PCLO: variants seen among roughly 807,000 people sequenced by gnomAD.
PCLO encodes protein piccolo.
Under a neutral mutation model 427.5 loss-of-function variants are expected in PCLO, and 82 were observed. The ratio of observed to expected loss-of-function variants is 0.19; its 90% CI spans 0.16 to 0.23. The LOEUF (loss-of-function observed/expected upper bound fraction) is 0.23, where lower values mean the gene tolerates loss of function less well. Among genes scored for constraint, PCLO ranks in the 10% least tolerant of loss-of-function variants. PCLO has a pLI of 1.00. For missense variants in PCLO, 6,239 were observed against 6,115.9 expected (o/e 1.02, Z -0.67); for synonymous variants, 2,357 against 2,155.4 (o/e 1.09, Z -2.59).
chr7:83,060,386 C>A (rs560973936), intron 3 of PCLO, among the ~76,000 whole-genome samples: 1 of 152,242 alleles, frequency 6.6e-6, no homozygotes, highest in East Asian at 1.9e-4. Flanking sequence ...GCCACCTGAC[C>A]TTGCTGCTCA....
intron 10 of PCLO, among the ~76,000 whole-genome samples, chr7:82,854,662 GT>G (rs1163104739): frequency 6.6e-6 from 1 of 152,122 alleles, no homozygotes; most frequent in East Asian, 1.9e-4. Context: ...AATATACTCT[GT>G]TTCCATTTTT....
chr7:82,784,372 C>G (rs1001323315), intron 22 of PCLO, among the ~76,000 whole-genome samples: 4 of 151,752 alleles, frequency 2.6e-5, no homozygotes, highest in Non-Finnish European at 4.4e-5. Flanking sequence ...TCACACAGCT[C>G]TCTCCCTCAT....
rs747622482 is a variant in PCLO, at chr7:82,952,868, G to A, written c.8085C>T (p.Ser2695=). Residue 2695 remains serine, a synonymous_variant, in exon 5 of 25, where the codon TCC becomes TCT. Coordinates refer to ENST00000333891, the MANE Select transcript of PCLO (RefSeq NM_033026.6). The part of the protein sequence containing the change: ...TAPSVGLSSI[S]ITIPPEPLAL... ...CAAGAGGCTCTGGAGGAATTGTTAT[G>A]GAAATGCTGCTGAGACCAACACTAG... 1 of 1,613,732 alleles carries A rather than the reference G, an allele frequency of 6.2e-7. No homozygotes were observed. The highest frequency in any genetic ancestry group is 1.3e-5 in the African/African-American group (1 of 74,876).
intron 9 of PCLO, among the ~76,000 whole-genome samples, chr7:82,890,962 C>A (rs1357114744): frequency 6.6e-6 from 1 of 151,772 alleles, no homozygotes; most frequent in African/African-American, 2.4e-5. Flanking sequence ...TCATTATTTT[C>A]TTTGGATTTT....
chr7:82,824,105 C>T (rs1404945045), intron 19 of PCLO, 131 bp downstream of exon 19: 1 of 605,598 alleles, frequency 1.7e-6, no homozygotes, highest in Non-Finnish European at 2.8e-6. Flanking sequence ...CTTTGCATGA[C>T]ATTATATTAA....
rs62461415 is a variant in PCLO, at chr7:82,916,697, G to A, written c.11289C>T (p.Leu3763=). The change falls in exon 7 of 25, where the codon CTC becomes CTT. Residue 3763 remains leucine (L), a synonymous_variant. Transcript: ENST00000333891. The part of the protein sequence containing the change: ...RTNTMARAKI[L]QDIDRELDLV... ...GATCAAGCTCTCTGTCTATGTCCTG[G>A]AGAATCTTGGCTCGTGCCATTGTGT... The A allele has an allele frequency of 3.2e-3, 5,144 of 1,613,598 alleles. 12 individuals are homozygous for A. The highest frequency in any genetic ancestry group is 4.0e-3 in the Non-Finnish European group (4,678 of 1,179,730).
intron 6 of PCLO, among the ~76,000 whole-genome samples, chr7:82,948,763 AT>A (rs1795261875): frequency 6.6e-6 from 1 of 152,112 alleles, no homozygotes; most frequent in Non-Finnish European, 1.5e-5. Context: ...AAAATAATTA[AT>A]TTATATTATT....
intron 3 of PCLO, among the ~76,000 whole-genome samples, chr7:83,132,137 T>C (rs886739372): frequency 3.9e-5 from 6 of 152,160 alleles, no homozygotes; most frequent in South Asian, 2.1e-4. Context: ...AAGTGAACTT[T>C]ACCTAGAAAC....
chr7:82,929,015 T>C (rs1216960354), intron 6 of PCLO, among the ~76,000 whole-genome samples: 1 of 152,074 alleles, frequency 6.6e-6, no homozygotes, highest in African/African-American at 2.4e-5. Context: ...TACAAGGTAG[T>C]TGTCTGAAGG....
chr7:82,993,454 A>G (rs967875712), intron 3 of PCLO, among the ~76,000 whole-genome samples: 1 of 151,982 alleles, frequency 6.6e-6, no homozygotes, highest in African/African-American at 2.4e-5. Context: ...CTGAATTTGA[A>G]TTTTGGTTCT....
At chr7:82,764,412 T>A (rs1256476285) in intron 22 of PCLO, among the ~76,000 whole-genome samples, 2 of 151,948 alleles carry the variant, frequency 1.3e-5, no homozygotes, top group African/African-American at 4.8e-5. Context: ...TACACAATGA[T>A]TATAAAATAA....
chr7:83,065,713 T>C (rs1375027951), intron 3 of PCLO, among the ~76,000 whole-genome samples: 1 of 152,034 alleles, frequency 6.6e-6, no homozygotes, highest in African/African-American at 2.4e-5. Flanking sequence ...TTATTTCCAT[T>C]ATACAAAAGA....
intron 22 of PCLO, 33 bp from the exon 23 acceptor site, chr7:82,761,526 T>C (rs1160292509): frequency 1.3e-6 from 2 of 1,504,198 alleles, no homozygotes; most frequent in Non-Finnish European, 1.8e-6. Flanking sequence ...CAAAGAAGTA[T>C]GTAATGCCAT....
chr7:82,945,545 G>A (rs531781665), intron 6 of PCLO, among the ~76,000 whole-genome samples: 1 of 152,250 alleles, frequency 6.6e-6, no homozygotes, highest in South Asian at 2.1e-4. Context: ...TTATAAAAGG[G>A]AAATTTGGGA....
intron 9 of PCLO, chr7:82,879,924 A>C: frequency 2.4e-6 from 1 of 418,032 alleles, no homozygotes; most frequent in South Asian, 1.8e-5. Context: ...TAATTTATAA[A>C]TTATTTATTT....
chr7:82,944,929 T>C (rs962057606), intron 6 of PCLO, among the ~76,000 whole-genome samples: 2 of 152,264 alleles, frequency 1.3e-5, no homozygotes, highest in Admixed American at 1.3e-4. Flanking sequence ...CATAAAATAT[T>C]CCAAATGAAG....
At chr7:83,062,203 A>T (rs1789559219) in intron 3 of PCLO, among the ~76,000 whole-genome samples, 1 of 152,194 alleles carries the variant, frequency 6.6e-6, no homozygotes, top group African/African-American at 2.4e-5. Context: ...CTACAATTGG[A>T]TCTGAACTCA....
intron 3 of PCLO, among the ~76,000 whole-genome samples, chr7:83,102,360 A>T (rs894903003): frequency 8.6e-5 from 13 of 151,936 alleles, no homozygotes; most frequent in African/African-American, 3.1e-4. Context: ...TAACAACCCA[A>T]TGCAGATTAT....
chr7:83,084,277 GAA>G (rs1312293682), intron 3 of PCLO, among the ~76,000 whole-genome samples: 8 of 151,556 alleles, frequency 5.3e-5, no homozygotes, highest in Non-Finnish European at 1.0e-4. Flanking sequence ...AAAAAAAAAA[GAA>G]TGACTATAAA....
Sources: gnomAD v4.1 joint callset for allele counts (sites outside exome capture counted in the v4.1 genomes callset) on GRCh38, gnomAD v4.1.1 for gene constraint, MANE v1.5 for transcripts, NCBI Gene and HGNC (gene_info 2026-07-23, HGNC 2026-07-21) for gene names.